Variants in OR2A14 observed in about 807,000 individuals in gnomAD.
OR2A14 encodes the protein olfactory receptor family 2 subfamily A member 14.
OR2A14 carries 2 observed loss-of-function variants against 2.4 expected under a neutral mutation model. The ratio of observed to expected loss-of-function variants is 0.85; its 90% confidence interval spans 0.35 to 2.67. The LOEUF is 2.67. OR2A14 is among the 30% of genes most tolerant of loss of function. The pLI is 0.10. For synonymous variants in OR2A14, 160 were observed against 156.3 expected (o/e 1.02, Z -0.18); for missense variants, 390 against 379.4 (o/e 1.03, Z -0.23).
intron 1 of OR2A14, among the ~76,000 whole-genome samples, chr7:144,126,575 A>AC (rs2051484281): frequency 1.3e-5 from 2 of 151,608 alleles, no homozygotes; most frequent in East Asian, 3.9e-4. Context: ...TCTAAAGGAG[A>AC]CCCCCCTCAA....
Position 144,129,699 on chromosome 7 carries a change from TG to T in OR2A14, c.589del (p.Val197SerfsTer29). ...TGTGCTGACACCTGGCTCAACCAGG[TG>T]GTCATCTTTGCAGCCTGCGTGTTCA... ...LACADTWLNQ[V>X]VIFAACVFIL... On this transcript the variant is annotated frameshift_variant, in exon 2 of 2. Transcript: ENST00000641068. LOFTEE classifies it high-confidence loss of function. The T allele has an allele frequency of 6.2e-7, 1 of 1,614,116 alleles. No individual in the cohort carries two copies. The highest frequency in any genetic ancestry group is 1.1e-5 in the South Asian group (1 of 91,078).
rs73728215 is a variant in OR2A14 at position 144,125,368 on chromosome 7, A to G, written c.-35+2104A>G. 3.2e-3 allele frequency among the ~76,000 whole-genome samples: 493 copies of G among 152,322 alleles called. 4 individuals are homozygous for G. Among genetic ancestry groups the G allele is most frequent in the African/African-American group, 0.011 (478 of 41,572 alleles). On this transcript the variant is annotated intron_variant, in intron 1 of 1. Transcript: ENST00000641068. ...ACTGAAGATTGTTCTGTAATGTGTA[A>G]CTGGAGTGGATGCCTAAATAAATCT...
chr7:144,124,412 A>T (rs1411738000), intron 1 of OR2A14, among the ~76,000 whole-genome samples: 2 of 144,728 alleles, frequency 1.4e-5, no homozygotes, highest in Admixed American at 7.4e-5. Flanking sequence ...CGGTGAGCCG[A>T]GATCTCACCA....
In OR2A14 at chr7:144,129,971, C is replaced by T; in HGVS notation, c.859C>T (p.Leu287=). Reference sequence around the variant, plus strand: ...CCTTTTCAATCCAATGCTGAACCCCCTGATATATAGCCTAAGGAATGCAGA... The same window carrying T: ...CCTTTTCAATCCAATGCTGAACCCCTTGATATATAGCCTAAGGAATGCAGA... ...YSLFNPMLNP[L]IYSLRNAEVK... Residue 287 remains leucine (L), a synonymous_variant, in exon 2 of 2, where the codon CTG becomes TTG. Coordinates refer to ENST00000641068, the MANE Select transcript of OR2A14 (RefSeq NM_001001659.3). 1 of 1,614,172 alleles carries T rather than the reference C, an allele frequency of 6.2e-7. No individual in the cohort carries two copies. The highest frequency in any genetic ancestry group is 8.5e-7 in the Non-Finnish European group (1 of 1,180,014).
Position 144,130,049 on chromosome 7 carries a change from A to G in OR2A14, c.*4A>G, listed in dbSNP as rs2051520178. 2 of 1,604,174 alleles carry G rather than the reference A, an allele frequency of 1.2e-6. No individual in the cohort carries two copies. The highest frequency in any genetic ancestry group is 1.7e-5 in the Admixed American group (1 of 58,814). On this transcript the variant is annotated 3_prime_UTR_variant, in exon 2 of 2. Transcript: ENST00000641068. ...GAGGAAGGAGAGGCTGACGTGAGAC[A>G]TCTCAAAGGGAACCATGGGGAGGGA...
rs747785648 is a variant in OR2A14, at chr7:144,129,490, C to G, written c.378C>G (p.Cys126Trp). The change falls in exon 2 of 2, where the codon TGC becomes TGG. Residue 126 changes from cysteine to tryptophan, a missense_variant. By Grantham distance (215) the Cys-to-Trp change is radical. Transcript: ENST00000641068. ...CCTATGATCGCTATGCGGACATCTG[C>G]CACCCCTTACGTTACAATAGCCTCA... is the stretch of plus-strand genomic sequence containing the variant. ...VMSYDRYADI[C>W]HPLRYNSLMS... 3 of 1,614,130 alleles carry G rather than the reference C, an allele frequency of 1.9e-6. No homozygotes were observed. The Admixed American group carries it at 5.0e-5, about 27-fold the overall frequency.
Position 144,129,809 on chromosome 7 carries a change from C to G in OR2A14, c.697C>G (p.Arg233Gly), listed in dbSNP as rs530765762. ...AILRIQSGEG[R>G]RKAFSTCSSH... ...CTTGAGGATCCAGTCTGGGGAGGGCCGCAGAAAGGCCTTCTCCACCTGCTC... is the reference window on the plus strand; with the variant it reads ...CTTGAGGATCCAGTCTGGGGAGGGCGGCAGAAAGGCCTTCTCCACCTGCTC... The change falls in exon 2 of 2, where the codon CGC becomes GGC. Residue 233 changes from arginine to glycine, a missense_variant. Transcript: ENST00000641068. 1.9e-6 allele frequency: 3 copies of G among 1,614,058 alleles called. No individual in the cohort carries two copies. The highest frequency in any genetic ancestry group is 2.2e-5 in the East Asian group (1 of 44,878).
In OR2A14 at chr7:144,129,857, CTCT is replaced by C; in HGVS notation, c.750_752del (p.Phe251del). ...CTCCTCCCACCTTTGCGTGGTGGGA[CTCT>C]TCTTTGGCAGCGCCATTGTCACGTA... On this transcript the variant is annotated inframe_deletion, in exon 2 of 2. Transcript: ENST00000641068. 2 of 1,614,196 alleles carry C rather than the reference CTCT, an allele frequency of 1.2e-6. No homozygotes were observed. The highest frequency in any genetic ancestry group is 1.7e-6 in the Non-Finnish European group (2 of 1,180,022).
At position 144,129,559 on chromosome 7, in the gene OR2A14, G is replaced by T. The variant is rs925886303; in HGVS notation, c.447G>T (p.Val149=). 16 of 1,614,038 alleles carry T rather than the reference G, an allele frequency of 9.9e-6. No homozygotes were observed. In the African/African-American group the frequency reaches 2.0e-4, roughly 20 times the overall value. Residue 149 remains valine (V), a synonymous_variant, in exon 2 of 2, where the codon GTG becomes GTT. Transcript: ENST00000641068. ...VCTVLAVASW[V]FSFLLALVPL... ...CTGTCCTGGCTGTGGCTTCCTGGGTGTTCAGCTTCCTCCTGGCTCTGGTCC... is the reference window on the plus strand; with the variant it reads ...CTGTCCTGGCTGTGGCTTCCTGGGTTTTCAGCTTCCTCCTGGCTCTGGTCC...
In OR2A14 at chr7:144,129,787, G is replaced by A. The variant is rs2051516425; in HGVS notation, c.675G>A (p.Leu225=). 1 of 1,614,070 alleles carries A rather than the reference G, an allele frequency of 6.2e-7. No homozygotes were observed. Among genetic ancestry groups the A allele is most frequent in the South Asian group, 1.1e-5 (1 of 91,066 alleles). ...VSYLRILAAI[L]RIQSGEGRRK... ...ACTTGCGCATCCTGGCCGCCATCTT[G>A]AGGATCCAGTCTGGGGAGGGCCGCA... The change falls in exon 2 of 2, where the codon TTG becomes TTA. Residue 225 remains leucine (L), a synonymous_variant. Transcript: ENST00000641068.
At chr7:144,128,751 A>T (rs1172419258) in intron 1 of OR2A14, among the ~76,000 whole-genome samples, 2 of 152,176 alleles carry the variant, frequency 1.3e-5, no homozygotes, top group African/African-American at 4.8e-5. Flanking sequence ...AAAAATCAAG[A>T]TTTCACACTG....
intron 1 of OR2A14, 28 bp from the exon 2 acceptor site, chr7:144,129,051 C>G: frequency 7.8e-7 from 1 of 1,280,756 alleles, no homozygotes; most frequent in Non-Finnish European, 1.1e-6. Context: ...CTAAGTGCTC[C>G]CTCTGTGCAT....
intron 1 of OR2A14, among the ~76,000 whole-genome samples, chr7:144,124,462 C>CAA (rs10664756): frequency 0.27 from 23,041 of 84,636 alleles, 2,855 homozygotes; most frequent in Middle Eastern, 0.44. Flanking sequence ...AACTCCGTCT[C>CAA]AAAAAAAAAA....
chr7:144,130,099 A>C lies in OR2A14; in HGVS notation c.*54A>C. 2.9e-6 allele frequency: 4 copies of C among 1,390,398 alleles called. No homozygotes were observed. Among genetic ancestry groups the C allele is most frequent in the Non-Finnish European group, 3.8e-6 (4 of 1,046,076 alleles). The allele number at this position is 1,390,398 out of a possible 1,614,324, so 86.1% of individuals were successfully genotyped here. A position where few individuals can be genotyped will look rare whatever the true frequency, so the allele number is the denominator to read the frequency against. ...AGCCTTGCTCCCTGCAAAATATAGA[A>C]GTTGGCTTTTTTTTTTTGTCTTCTG... is the stretch of plus-strand genomic sequence containing the variant. On this transcript the variant is annotated 3_prime_UTR_variant, in exon 2 of 2. Coordinates refer to ENST00000641068, the MANE Select transcript of OR2A14 (RefSeq NM_001001659.3).
chr7:144,124,719 T>A (rs1191250712), intron 1 of OR2A14, among the ~76,000 whole-genome samples: 1 of 152,132 alleles, frequency 6.6e-6, no homozygotes, highest in African/African-American at 2.4e-5. Context: ...CTCTCTATCA[T>A]TGGGATATTT....
At chr7:144,125,248 T>C (rs1209467165) in intron 1 of OR2A14, among the ~76,000 whole-genome samples, 1 of 152,210 alleles carries the variant, frequency 6.6e-6, no homozygotes, top group African/African-American at 2.4e-5. Context: ...TTCATTCTTA[T>C]TCAGAGACCA....
intron 1 of OR2A14, among the ~76,000 whole-genome samples, chr7:144,123,654 A>G (rs989704364): frequency 1.3e-5 from 2 of 152,176 alleles, no homozygotes; most frequent in Non-Finnish European, 2.9e-5. Context: ...AAATAATGCT[A>G]ATTTTAAAAA....
chr7:144,129,501 G>T lies in OR2A14; in HGVS notation c.389G>T (p.Arg130Leu), dbSNP rs1386053859. The T allele has an allele frequency of 1.9e-6, 3 of 1,614,000 alleles. No individual in the cohort carries two copies. Among genetic ancestry groups the T allele is most frequent in the African/African-American group, 1.3e-5 (1 of 74,916 alleles). Reference sequence around the variant, plus strand: ...TATGCGGACATCTGCCACCCCTTACGTTACAATAGCCTCATGAGCTGGAGA... The same window carrying T: ...TATGCGGACATCTGCCACCCCTTACTTTACAATAGCCTCATGAGCTGGAGA... ...DRYADICHPL[R>L]YNSLMSWRVC... The change falls in exon 2 of 2, where the codon CGT becomes CTT. Residue 130 changes from arginine (R) to leucine (L), a missense_variant. Transcript: ENST00000641068.
chr7:144,130,041 C>G lies in OR2A14; in HGVS notation c.929C>G (p.Thr310Arg). ...AGGGCACTGAGGAAGGAGAGGCTGA[C>G]GTGAGACATCTCAAAGGGAACCATG... ...LRRALRKERL[T>R] is the part of the protein sequence containing the mutation. The change falls in exon 2 of 2, where the codon ACG becomes AGG. Residue 310 changes from threonine (T) to arginine (R), a missense_variant. By Grantham distance (71) the Thr-to-Arg change is moderately conservative. Transcript: ENST00000641068. 1 of 1,607,996 alleles carries G rather than the reference C, an allele frequency of 6.2e-7. No individual in the cohort carries two copies.
Sources: allele counts gnomAD v4.1 joint callset (sites outside exome capture counted in the v4.1 genomes callset), GRCh38; gene constraint gnomAD v4.1.1; transcripts MANE v1.5; gene names NCBI Gene and HGNC (gene_info 2026-07-23, HGNC 2026-07-21).